KLKB1: variants seen among roughly 807,000 people sequenced by gnomAD.
KLKB1 encodes kallikrein B1.
Under a neutral mutation model 73.6 loss-of-function variants are expected in KLKB1, and 58 were observed. That is an observed-to-expected ratio of 0.79 (90% CI 0.64 to 0.98). KLKB1 has a LOEUF of 0.98. KLKB1 is among the 50% of genes least tolerant of loss of function. The pLI, the probability that KLKB1 is intolerant of heterozygous loss-of-function variation, is 0.00. For synonymous variants in KLKB1, 280 were observed against 258.1 expected, an observed-to-expected ratio of 1.08 and a Z score of -0.81; for missense variants, 737 against 763.8, an observed-to-expected ratio of 0.96 and a Z score of 0.41.
At chr4:186,235,830 A>C (rs568415882) in intron 4 of KLKB1, among the ~76,000 whole-genome samples, 1 of 152,082 alleles carries the variant, frequency 6.6e-6, no homozygotes, top group Admixed American at 6.5e-5. Flanking sequence ...TTAAAAAAAA[A>C]AGAGGCCGGG....
In KLKB1 at chr4:186,252,330, G is replaced by A. The variant is rs901764748; in HGVS notation, c.1313+145G>A. The A allele has an allele frequency of 2.4e-5, 22 of 905,716 alleles. No homozygotes were observed. In the South Asian group the frequency reaches 3.3e-4, roughly 13 times the overall value. 56.1% of individuals were successfully genotyped at this position (905,716 alleles called of 1,614,324 possible). A position where few individuals can be genotyped will look rare whatever the true frequency, so the allele number is the denominator to read the frequency against. ...GTATTCACAACATTTAACTTATAGGGTCCAAGCACTGACCAACCTGACCAT... is the reference window on the plus strand; with the variant it reads ...GTATTCACAACATTTAACTTATAGGATCCAAGCACTGACCAACCTGACCAT... On this transcript the variant is annotated intron_variant, in intron 11 of 14. Coordinates refer to ENST00000264690, the MANE Select transcript of KLKB1 (RefSeq NM_000892.5).
At chr4:186,240,854 A>G (rs1199041685) in intron 6 of KLKB1, among the ~76,000 whole-genome samples, 1 of 152,126 alleles carries the variant, frequency 6.6e-6, no homozygotes, top group Non-Finnish European at 1.5e-5. Context: ...CGATGCAAAC[A>G]TGCTCCATTC....
intron 14 of KLKB1, among the ~76,000 whole-genome samples, chr4:186,257,738 AGAGT>A (rs1016574099): frequency 2.8e-4 from 36 of 129,384 alleles, no homozygotes; most frequent in Non-Finnish European, 1.6e-4. Context: ...ACTTTAAGAA[AGAGT>A]GAGTGTGTGT....
chr4:186,218,957 A>G (rs537164682), intron 2 of KLKB1, among the ~76,000 whole-genome samples: 20 of 152,330 alleles, frequency 1.3e-4, no homozygotes, highest in South Asian at 8.3e-4. Context: ...CAAAGGTCCA[A>G]GAGCCCTTGG....
intron 7 of KLKB1, 131 bp from the exon 8 acceptor site, chr4:186,251,088 C>T: frequency 1.5e-6 from 1 of 659,824 alleles, no homozygotes; most frequent in South Asian, 1.8e-5. Context: ...GTTGGATTTA[C>T]TTTGAAGAGA....
At chr4:186,228,171 G>A (rs367820868) in intron 1 of KLKB1, 24 bp from the exon 2 acceptor site, 152 of 1,311,528 alleles carry the variant, frequency 1.2e-4, no homozygotes, top group Admixed American at 2.9e-4. Flanking sequence ...AACCAGCAGA[G>A]TTATGTATTG....
intron 14 of KLKB1, 122 bp from the exon 15 acceptor site, chr4:186,257,899 A>T: frequency 1.1e-6 from 1 of 940,566 alleles, no homozygotes; most frequent in South Asian, 1.4e-5. Flanking sequence ...TCTACAAAAA[A>T]ATATGAAAGT....
At chr4:186,210,984 C>G in intron 2 of KLKB1, 3 of 245,726 alleles carry the variant, frequency 1.2e-5, no homozygotes, top group Admixed American at 5.2e-5. Flanking sequence ...TTACAGGTGC[C>G]TGCCACCATG....
rs1737715211 is a variant in KLKB1 at position 186,236,814 on chromosome 4, TGA to T, written c.366_367del (p.Gly123SerfsTer4). 6.2e-7 allele frequency: 1 copy of T among 1,613,864 alleles called. No individual in the cohort carries two copies. The highest frequency in any genetic ancestry group is 8.5e-7 in the Non-Finnish European group (1 of 1,179,948). The stretch of plus-strand genomic sequence containing the variant: ...CGAGACATTTATAAAGGAGTTGATA[TGA>T]GAGGAGTCAATTTTAATGTGTCTAA... On this transcript the variant is annotated frameshift_variant, in exon 5 of 15. Transcript: ENST00000264690. LOFTEE classifies it high-confidence loss of function.
In KLKB1 at chr4:186,251,734, G is replaced by A. The variant is rs1164837590; in HGVS notation, c.1032-15G>A. 18 of 1,607,604 alleles carry A rather than the reference G, an allele frequency of 1.1e-5. No homozygotes were observed. The highest frequency in any genetic ancestry group is 3.3e-5 in the Admixed American group (2 of 60,004). ...CCTGTGAAGGCTTACTCTTTCTACT[G>A]TTCATTTCATCTAGGTGTAAGTGTT... On this transcript the variant is annotated splice_polypyrimidine_tract_variant and intron_variant, in intron 9 of 14. Coordinates refer to ENST00000264690, the MANE Select transcript of KLKB1 (RefSeq NM_000892.5).
In KLKB1 at chr4:186,227,584, T is replaced by C. The variant is rs1737209072; in HGVS notation, c.-5T>C. Reference sequence around the variant, plus strand: ...TCACCTCCAAGAAGCAATTGTGTTTTCAGGTAGCAAATTTTTATTATTCTG... The same window carrying C: ...TCACCTCCAAGAAGCAATTGTGTTTCCAGGTAGCAAATTTTTATTATTCTG... On this transcript the variant is annotated 5_prime_UTR_variant, in exon 1 of 15. Coordinates refer to ENST00000264690, the MANE Select transcript of KLKB1 (RefSeq NM_000892.5). 6.6e-6 allele frequency: 1 copy of C among 152,402 alleles called. No homozygotes were observed. The highest frequency in any genetic ancestry group is 1.5e-5 in the Non-Finnish European group (1 of 68,186). The allele number at this position is 152,402 out of a possible 1,614,324, so 9.4% of individuals were successfully genotyped here. A position where few individuals can be genotyped will look rare whatever the true frequency, so the allele number is the denominator to read the frequency against.
intron 13 of KLKB1, among the ~76,000 whole-genome samples, chr4:186,256,311 A>T (rs1738990549): frequency 6.6e-6 from 1 of 152,306 alleles, no homozygotes; most frequent in African/African-American, 2.4e-5. Context: ...CTTCATTATA[A>T]AGATCAGTTG....
At chr4:186,210,876 C>T (rs1736698381) in intron 2 of KLKB1, 1 of 461,536 alleles carries the variant, frequency 2.2e-6, no homozygotes, top group Non-Finnish European at 3.9e-6. Context: ...CTCTGTCGCC[C>T]AGGCTGGAGG....
At chr4:186,220,160 G>A (rs189658684) in intron 2 of KLKB1, among the ~76,000 whole-genome samples, 1 of 152,170 alleles carries the variant, frequency 6.6e-6, no homozygotes, top group Non-Finnish European at 1.5e-5. Flanking sequence ...ATAGCTAGGG[G>A]TGATGGTGAG....
At chr4:186,233,494 A>G (rs957144790) in intron 3 of KLKB1, among the ~76,000 whole-genome samples, 1 of 152,214 alleles carries the variant, frequency 6.6e-6, no homozygotes, top group South Asian at 2.1e-4. Context: ...ATTCTTATAA[A>G]TAATGAAATT....
At chr4:186,236,997 A>G in intron 5 of KLKB1, 57 bp downstream of exon 5, 2 of 1,567,500 alleles carry the variant, frequency 1.3e-6, no homozygotes, top group South Asian at 2.2e-5. Flanking sequence ...ATTTCACTGT[A>G]TTCTTCTTAA....
At chr4:186,218,311 C>T (rs577651713) in intron 2 of KLKB1, among the ~76,000 whole-genome samples, 1 of 152,212 alleles carries the variant, frequency 6.6e-6, no homozygotes, top group South Asian at 2.1e-4. Flanking sequence ...AGGAGCTATC[C>T]ATACCCATCC....
At chr4:186,225,088 C>T (rs2126618054), upstream of KLKB1, among the ~76,000 whole-genome samples, 1 of 152,264 alleles carries the variant, frequency 6.6e-6, no homozygotes, top group African/African-American at 2.4e-5. Flanking sequence ...CTGAGGCCTC[C>T]CCAGCCATGG....
chr4:186,214,915 G>T (rs555291234), intron 2 of KLKB1, among the ~76,000 whole-genome samples: 1 of 152,176 alleles, frequency 6.6e-6, no homozygotes, highest in African/African-American at 2.4e-5. Context: ...TAAGTTTTTG[G>T]CACGTTCTTT....
Sources: gnomAD v4.1 joint callset for allele counts (sites outside exome capture counted in the v4.1 genomes callset) on GRCh38, gnomAD v4.1.1 for gene constraint, MANE v1.5 for transcripts, NCBI Gene and HGNC (gene_info 2026-07-23, HGNC 2026-07-21) for gene names.